PRKACB: variants seen among roughly 807,000 people sequenced by gnomAD.
PRKACB encodes the protein protein kinase cAMP-activated catalytic subunit beta.
Under a neutral mutation model 51.4 loss-of-function variants are expected in PRKACB, and 16 were observed. That is an observed-to-expected ratio of 0.31 (90% CI 0.21 to 0.47). PRKACB has a LOEUF of 0.47. Among genes scored for constraint, PRKACB ranks in the 20% least tolerant of loss-of-function variants. The pLI, the probability that PRKACB is intolerant of heterozygous loss-of-function variation, is 1.00. For synonymous variants in PRKACB, 147 were observed against 154.4 expected, an observed-to-expected ratio of 0.95 and a Z score of 0.35; for missense variants, 309 against 464.5, an observed-to-expected ratio of 0.67 and a Z score of 3.08.
intron 1 of PRKACB, among the ~76,000 whole-genome samples, chr1:84,106,259 A>G (rs1159488568): frequency 6.6e-6 from 1 of 152,152 alleles, no homozygotes; most frequent in Non-Finnish European, 1.5e-5. Context: ...AGTCCTGGCC[A>G]GAACAATCAG....
At position 84,236,884 on chromosome 1, in the gene PRKACB, T is replaced by C. The variant is rs1052312384; in HGVS notation, c.*1579T>C. On this transcript the variant is annotated 3_prime_UTR_variant, in exon 10 of 10. Coordinates refer to ENST00000370685, the MANE Select transcript of PRKACB (RefSeq NM_182948.4). ...GGTTCATTTTAATGATCAATTTACC[T>C]GCATATAAAATTTATTTTTAATCAA... 1 of 152,592 alleles carries C rather than the reference T, an allele frequency of 6.6e-6. No individual in the cohort carries two copies. The highest frequency in any genetic ancestry group is 2.4e-5 in the African/African-American group (1 of 41,460). 9.5% of individuals were successfully genotyped at this position (152,592 alleles called of 1,614,324 possible). A position where few individuals can be genotyped will look rare whatever the true frequency, so the allele number is the denominator to read the frequency against.
chr1:84,217,685 C>CT (rs1347926853), intron 9 of PRKACB, among the ~76,000 whole-genome samples: 1 of 152,104 alleles, frequency 6.6e-6, no homozygotes, highest in Non-Finnish European at 1.5e-5. Flanking sequence ...CCCAGCTACC[C>CT]TGGAGGCTGA....
At chr1:84,078,512 G>T (rs1276632812) in intron 1 of PRKACB, 12 of 941,046 alleles carry the variant, frequency 1.3e-5, no homozygotes, top group Non-Finnish European at 1.6e-5. Context: ...GGGGCCGGGA[G>T]ACCAGCTGCC....
At chr1:84,213,602 G>A (rs973616636) in intron 8 of PRKACB, among the ~76,000 whole-genome samples, 4 of 152,054 alleles carry the variant, frequency 2.6e-5, no homozygotes, top group African/African-American at 9.7e-5. Flanking sequence ...TTGCATAATA[G>A]GAGAATTATT....
chr1:84,102,491 G>A (rs1321050503), intron 1 of PRKACB, among the ~76,000 whole-genome samples: 1 of 152,186 alleles, frequency 6.6e-6, no homozygotes, highest in African/African-American at 2.4e-5. Context: ...TTAAGGACTT[G>A]TCCCATAGCA....
At chr1:84,168,999 A>G (rs912319883) in intron 1 of PRKACB, among the ~76,000 whole-genome samples, 1 of 151,638 alleles carries the variant, frequency 6.6e-6, no homozygotes, top group South Asian at 2.1e-4. Flanking sequence ...TGTACGCTAA[A>G]TGATGTGAAG....
At chr1:84,219,824 C>G (rs1314301890) in intron 9 of PRKACB, among the ~76,000 whole-genome samples, 2 of 151,618 alleles carry the variant, frequency 1.3e-5, no homozygotes, top group Non-Finnish European at 2.9e-5. Flanking sequence ...GTTTTTATAC[C>G]ACTACCATGC....
At chr1:84,081,443 A>G (rs993095916) in intron 1 of PRKACB, among the ~76,000 whole-genome samples, 4 of 152,208 alleles carry the variant, frequency 2.6e-5, no homozygotes, top group African/African-American at 9.7e-5. Flanking sequence ...TAATGAAAGA[A>G]TAACTGGTAC....
intron 5 of PRKACB, among the ~76,000 whole-genome samples, chr1:84,191,884 A>G (rs1333167086): frequency 6.6e-6 from 1 of 152,158 alleles, no homozygotes; most frequent in Non-Finnish European, 1.5e-5. Context: ...TCAAAGATGT[A>G]CTTAAGTCAT....
intron 1 of PRKACB, among the ~76,000 whole-genome samples, chr1:84,087,226 T>G (rs947794198): frequency 6.6e-6 from 1 of 152,246 alleles, no homozygotes; most frequent in Non-Finnish European, 1.5e-5. Context: ...GTGAATAAAC[T>G]GTATATATAC....
In PRKACB at chr1:84,080,670, C is replaced by T. The variant is rs186801117; in HGVS notation, c.46+2299C>T. On this transcript the variant is annotated intron_variant, in intron 1 of 8. Coordinates refer to the PRKACB transcript ENST00000370688. Reference sequence around the variant, plus strand: ...AATGAAAGAACTCATCATTACGTACCTAAATGTTCTGTGTATTTTTTAAAG... The same window carrying T: ...AATGAAAGAACTCATCATTACGTACTTAAATGTTCTGTGTATTTTTTAAAG... Among the ~76,000 whole-genome samples the T allele has an allele frequency of 9.1e-3, 1,387 of 152,100 alleles. 14 individuals are homozygous for T. The highest frequency in any genetic ancestry group is 0.012 in the Non-Finnish European group (797 of 67,966).
At chr1:84,201,738 A>C (rs887920392) in intron 7 of PRKACB, among the ~76,000 whole-genome samples, 1 of 152,110 alleles carries the variant, frequency 6.6e-6, no homozygotes, top group Admixed American at 6.6e-5. Flanking sequence ...AGGGCAGAGC[A>C]ATAGATCTGG....
chr1:84,202,888 A>C, intron 8 of PRKACB, 83 bp downstream of exon 8: 4 of 1,195,250 alleles, frequency 3.3e-6, no homozygotes, highest in Non-Finnish European at 4.5e-6. Flanking sequence ...TTGTGTCATA[A>C]TTATTATTCT....
At chr1:84,135,914 A>G (rs767199291) in intron 1 of PRKACB, among the ~76,000 whole-genome samples, 9 of 152,060 alleles carry the variant, frequency 5.9e-5, no homozygotes, top group Admixed American at 6.6e-5. Context: ...AATAAAAATT[A>G]GAGCAGAAAT....
rs115512246 is a variant in PRKACB, at chr1:84,084,865, T to A, written c.46+6494T>A. Among the ~76,000 whole-genome samples the A allele has an allele frequency of 3.2e-3, 484 of 152,200 alleles. 4 individuals are homozygous for A. Among genetic ancestry groups the A allele is most frequent in the African/African-American group, 0.011 (462 of 41,504 alleles). ...GCATTTCTGATAAATGATAGCTGAT[T>A]GGTTATTGTATGTGTGGATTGTCTT... On this transcript the variant is annotated intron_variant, in intron 1 of 8. Transcript: ENST00000370688.
At chr1:84,111,115 T>C (rs139888291) in intron 1 of PRKACB, among the ~76,000 whole-genome samples, 4 of 152,180 alleles carry the variant, frequency 2.6e-5, no homozygotes, top group African/African-American at 9.6e-5. Flanking sequence ...AAATTATCTT[T>C]ATGGTGCTCC....
intron 9 of PRKACB, among the ~76,000 whole-genome samples, chr1:84,218,756 C>T (rs1673232254): frequency 6.6e-6 from 1 of 151,976 alleles, no homozygotes; most frequent in Non-Finnish European, 1.5e-5. Flanking sequence ...ACATTTTTAC[C>T]AACAGTGTAT....
chr1:84,195,038 T>C (rs79607458), intron 5 of PRKACB, among the ~76,000 whole-genome samples: 1 of 152,214 alleles, frequency 6.6e-6, no homozygotes, highest in Non-Finnish European at 1.5e-5. Flanking sequence ...CATTTTACAT[T>C]TACAGATGCA....
At chr1:84,129,085 G>A (rs529477423) in intron 1 of PRKACB, among the ~76,000 whole-genome samples, 8 of 152,196 alleles carry the variant, frequency 5.3e-5, no homozygotes, top group African/African-American at 1.9e-4. Context: ...TCAATGTACA[G>A]CATATGTTTT....
Sources: gnomAD v4.1 joint callset for allele counts (sites outside exome capture counted in the v4.1 genomes callset) on GRCh38, gnomAD v4.1.1 for gene constraint, MANE v1.5 for transcripts, NCBI Gene and HGNC (gene_info 2026-07-23, HGNC 2026-07-21) for gene names.